The following XKR4 variants were observed in gnomAD, a reference collection of about 807,000 sequenced individuals.
XKR4 encodes XK-related protein 4.
XKR4 carries 12 observed loss-of-function variants against 53.9 expected under a neutral mutation model. The ratio of observed to expected loss-of-function variants is 0.22; its 90% CI spans 0.14 to 0.36. The LOEUF (loss-of-function observed/expected upper bound fraction) is 0.36. XKR4 is among the 10% of genes least tolerant of loss of function. The probability of loss-of-function intolerance (pLI) is 1.00; values close to 1 mark genes in which losing one functional copy is unlikely to be tolerated. For synonymous variants in XKR4, 354 were observed against 362.4 expected, an observed-to-expected ratio of 0.98 and a Z score of 0.26; for missense variants, 799 against 859.5, an observed-to-expected ratio of 0.93 and a Z score of 0.88.
chr8:55,134,679 G>A (rs561670276), intron 1 of XKR4, among the ~76,000 whole-genome samples: 102 of 152,206 alleles, frequency 6.7e-4, no homozygotes, highest in Non-Finnish European at 1.2e-3. Context: ...CAATCTCTGA[G>A]TTGCAGTTTC....
intron 1 of XKR4, among the ~76,000 whole-genome samples, chr8:55,317,664 G>A (rs955350391): frequency 2.6e-5 from 4 of 152,212 alleles, no homozygotes; most frequent in Non-Finnish European, 5.9e-5. Context: ...AGGCAGTGAT[G>A]GAGGGCTCAG....
intron 2 of XKR4, among the ~76,000 whole-genome samples, chr8:55,434,054 A>T (rs1029763898): frequency 4.6e-5 from 7 of 152,114 alleles, no homozygotes; most frequent in Admixed American, 3.9e-4. Context: ...TAAATAAATT[A>T]GCTATCACCA....
At chr8:55,131,716 C>T (rs1816556794) in intron 1 of XKR4, among the ~76,000 whole-genome samples, 1 of 151,516 alleles carries the variant, frequency 6.6e-6, no homozygotes, top group Non-Finnish European at 1.5e-5. Context: ...AAGTAAAAGC[C>T]CTGACAATCT....
chr8:55,462,686 G>A, intron 2 of XKR4, among the ~76,000 whole-genome samples: 1 of 152,124 alleles, frequency 6.6e-6, no homozygotes, highest in Admixed American at 6.5e-5. Context: ...TGGCAAATTG[G>A]GTAAAGAGTC....
chr8:55,193,628 G>C (rs1019604855), intron 1 of XKR4, among the ~76,000 whole-genome samples: 1 of 152,162 alleles, frequency 6.6e-6, no homozygotes, highest in Non-Finnish European at 1.5e-5. Context: ...CCCCACTGTC[G>C]GGGTTAACAA....
chr8:55,335,431 A>G lies in XKR4; in HGVS notation c.807-22247A>G, dbSNP rs1200127028. ...AAAAACATGACACTGCGAGAAAAAA[A>G]TAAAGGAAAATATTTTTAACAAAAT... On this transcript the variant is annotated intron_variant, in intron 1 of 2. Coordinates refer to ENST00000327381, the MANE Select transcript of XKR4 (RefSeq NM_052898.2). 2.0e-5 allele frequency among the ~76,000 whole-genome samples: 3 copies of G among 152,236 alleles called. No individual in the cohort carries two copies. In the East Asian group the frequency reaches 5.8e-4, roughly 29 times the overall value.
At chr8:55,146,971 C>T (rs1172056936) in intron 1 of XKR4, among the ~76,000 whole-genome samples, 2 of 152,192 alleles carry the variant, frequency 1.3e-5, no homozygotes, top group Non-Finnish European at 2.9e-5. Context: ...AATCATTCCA[C>T]AGAAGGGAAG....
In XKR4 at chr8:55,223,856, G is replaced by A. The variant is rs1464968734; in HGVS notation, c.806+120562G>A. ...GTTTTGGACATGGTAGGATTAAGCT[G>A]AGTGATTCTTCACCAAACTTCTCTT... On this transcript the variant is annotated intron_variant, in intron 1 of 2. Coordinates refer to ENST00000327381, the MANE Select transcript of XKR4 (RefSeq NM_052898.2). Among the ~76,000 whole-genome samples, 3 of 152,178 alleles carry A rather than the reference G, an allele frequency of 2.0e-5. No homozygotes were observed. The East Asian group carries it at 5.8e-4, about 29-fold the overall frequency.
At position 55,211,018 on chromosome 8, in the gene XKR4, G is replaced by A. The variant is rs76808344; in HGVS notation, c.806+107724G>A. Among the ~76,000 whole-genome samples, 1,310 of 152,270 alleles carry A rather than the reference G, an allele frequency of 8.6e-3. 14 individuals carry two copies. Among genetic ancestry groups the A allele is most frequent in the Middle Eastern group, 0.031 (9 of 294 alleles). The stretch of plus-strand genomic sequence containing the variant: ...ATCCTGTGTAGTCTTTCTTAGCTAT[G>A]CAGCTGTGGGGATATCTTAATCAAG... On this transcript the variant is annotated intron_variant, in intron 1 of 2. Transcript: ENST00000327381.
intron 1 of XKR4, among the ~76,000 whole-genome samples, chr8:55,237,450 A>C (rs1203180988): frequency 6.6e-6 from 1 of 152,234 alleles, no homozygotes; most frequent in Non-Finnish European, 1.5e-5. Context: ...CAGAAGAGAA[A>C]ATATACTTGC....
At chr8:55,200,127 C>T (rs769999948) in intron 1 of XKR4, among the ~76,000 whole-genome samples, 19 of 152,158 alleles carry the variant, frequency 1.2e-4, no homozygotes, top group Admixed American at 1.0e-3. Flanking sequence ...TGTAGTGGCA[C>T]AATCTCGGCT....
At chr8:55,166,901 G>A (rs1817072781) in intron 1 of XKR4, among the ~76,000 whole-genome samples, 1 of 152,194 alleles carries the variant, frequency 6.6e-6, no homozygotes. Flanking sequence ...AGACTTTTGA[G>A]CAGATTCATG....
At chr8:55,358,155 GTCAACTGAGGCTT>G (rs1803847872) in intron 2 of XKR4, among the ~76,000 whole-genome samples, 1 of 152,212 alleles carries the variant, frequency 6.6e-6, no homozygotes, top group African/African-American at 2.4e-5. Context: ...GATAGAGTCA[GTCAACTGAGGCTT>G]TCTGGTTTTT....
chr8:55,138,904 CTAAT>C (rs1816665145), intron 1 of XKR4, among the ~76,000 whole-genome samples: 2 of 152,292 alleles, frequency 1.3e-5, no homozygotes, highest in South Asian at 4.1e-4. Context: ...AGATAACTGT[CTAAT>C]TAAGTCCTAG....
chr8:55,409,307 G>T (rs574123615), intron 2 of XKR4, among the ~76,000 whole-genome samples: 2 of 152,352 alleles, frequency 1.3e-5, no homozygotes, highest in East Asian at 1.9e-4. Context: ...TCACCTGAGC[G>T]AGTGAGACCG....
chr8:55,103,851 GTATATATATATATATATATATATA>G (rs60831330), intron 1 of XKR4, among the ~76,000 whole-genome samples: 28 of 106,012 alleles, frequency 2.6e-4, no homozygotes, highest in African/African-American at 7.6e-4. Context: ...AAATGACTTT[GTATATATATATATATATATATATA>G]TATATATATA....
chr8:55,389,702 G>A lies in XKR4; in HGVS notation c.1006+31825G>A, dbSNP rs953966522. ...TTTACTCATTTAACAAATATTTATTGAGTACCCCCAGTTTGCCAGACTCTT... is the reference window on the plus strand; with the variant it reads ...TTTACTCATTTAACAAATATTTATTAAGTACCCCCAGTTTGCCAGACTCTT... On this transcript the variant is annotated intron_variant, in intron 2 of 2. Transcript: ENST00000327381. Among the ~76,000 whole-genome samples, 9 of 152,232 alleles carry A rather than the reference G, an allele frequency of 5.9e-5. No individual in the cohort carries two copies. The South Asian group carries it at 1.9e-3, about 32-fold the overall frequency.
chr8:55,423,374 C>G (rs909284438), intron 2 of XKR4, among the ~76,000 whole-genome samples: 2 of 152,018 alleles, frequency 1.3e-5, no homozygotes, highest in African/African-American at 4.8e-5. Context: ...GGATTATAGG[C>G]GTGAGCCACC....
At chr8:55,279,841 A>G (rs1818813653) in intron 1 of XKR4, among the ~76,000 whole-genome samples, 1 of 152,212 alleles carries the variant, frequency 6.6e-6, no homozygotes, top group South Asian at 2.1e-4. Flanking sequence ...ATGACTAGGT[A>G]TGAGTGCAAT....
Sources: allele counts gnomAD v4.1 joint callset (sites outside exome capture counted in the v4.1 genomes callset), GRCh38; gene constraint gnomAD v4.1.1; transcripts MANE v1.5; gene names NCBI Gene and HGNC (gene_info 2026-07-23, HGNC 2026-07-21).